The following MYOM3 variants were observed in gnomAD, a reference collection of about 807,000 sequenced individuals.
MYOM3 encodes the protein myomesin-3.
Under a neutral mutation model 191.7 loss-of-function variants are expected in MYOM3, and 155 were observed. That is an observed-to-expected ratio of 0.81 (90% CI 0.71 to 0.92). The LOEUF (loss-of-function observed/expected upper bound fraction) is 0.92, where lower values mean the gene tolerates loss of function less well. Among genes scored for constraint, MYOM3 ranks in the 40% least tolerant of loss-of-function variants. MYOM3 has a pLI of 0.00. For missense variants in MYOM3, 1,889 were observed against 1,890.6 expected, an observed-to-expected ratio of 1.00 and a Z score of 0.02; for synonymous variants, 757 against 762.9, an observed-to-expected ratio of 0.99 and a Z score of 0.13.
intron 15 of MYOM3, 68 bp downstream of exon 15, chr1:24,086,576 C>T (rs1382610309): frequency 2.6e-6 from 4 of 1,515,464 alleles, no homozygotes; most frequent in Non-Finnish European, 1.8e-6. Flanking sequence ...GGGCTTTGTC[C>T]CTGCAGCTTC....
In MYOM3 at chr1:24,071,249, G is replaced by C; in HGVS notation, c.3018C>G (p.Ile1006Met). The C allele has an allele frequency of 6.2e-7, 1 of 1,612,486 alleles. No individual in the cohort carries two copies. Residue 1006 changes from isoleucine (I) to methionine (M), a missense_variant, in exon 25 of 37, where the codon ATC becomes ATG. Physicochemically the swap from Ile to Met is conservative, Grantham distance 10. Transcript: ENST00000374434. ...CAATGTTCCAGCCGGAGATCAGTTTGATCACTGGGAGGCGCAGGACGGGAA... is the reference window on the plus strand; with the variant it reads ...CAATGTTCCAGCCGGAGATCAGTTTCATCACTGGGAGGCGCAGGACGGGAA... ...KLSHEIRNPV[I>M]KLISGWNIDI...
chr1:24,070,893 A>C (rs1023268685), intron 25 of MYOM3, among the ~76,000 whole-genome samples: 3 of 152,094 alleles, frequency 2.0e-5, no homozygotes, highest in African/African-American at 7.2e-5. Context: ...TGTCCCTTGC[A>C]CTGGCCAGCA....
intron 1 of MYOM3, among the ~76,000 whole-genome samples, chr1:24,110,600 T>A (rs1358484040): frequency 1.9e-4 from 29 of 151,916 alleles, no homozygotes; most frequent in Non-Finnish European, 2.9e-5. Context: ...TCCTTTTGGG[T>A]GTCTGCAGTT....
intron 22 of MYOM3, among the ~76,000 whole-genome samples, chr1:24,074,832 C>T (rs1643576553): frequency 6.6e-6 from 1 of 152,194 alleles, no homozygotes; most frequent in African/African-American, 2.4e-5. Flanking sequence ...CGCCTGTAAT[C>T]CCAGCCCTTT....
At chr1:24,079,156 A>C (rs1383586048) in intron 20 of MYOM3, among the ~76,000 whole-genome samples, 1 of 152,100 alleles carries the variant, frequency 6.6e-6, no homozygotes, top group Non-Finnish European at 1.5e-5. Flanking sequence ...TTTCTTAGCC[A>C]TATAGGATGG....
intron 23 of MYOM3, among the ~76,000 whole-genome samples, chr1:24,072,640 T>C (rs1643546586): frequency 2.0e-5 from 3 of 152,170 alleles, no homozygotes; most frequent in Admixed American, 2.0e-4. Flanking sequence ...GTTCAAGCAA[T>C]TCTCCTGCCT....
rs534460843 is a variant in MYOM3 at position 24,071,262 on chromosome 1, C to T, written c.3014-9G>A. The stretch of plus-strand genomic sequence containing the variant: ...GGAGATCAGTTTGATCACTGGGAGG[C>T]GCAGGACGGGAAGGGGGTGGGTTGG... On this transcript the variant is annotated splice_polypyrimidine_tract_variant and intron_variant, in intron 24 of 36. Coordinates refer to ENST00000374434, the MANE Select transcript of MYOM3 (RefSeq NM_152372.4). 6 of 1,608,406 alleles carry T rather than the reference C, an allele frequency of 3.7e-6. No homozygotes were observed. Among genetic ancestry groups the T allele is most frequent in the Non-Finnish European group, 4.2e-6 (5 of 1,177,264 alleles).
chr1:24,086,712 G>C lies in MYOM3; in HGVS notation c.1730C>G (p.Ala577Gly), dbSNP rs987587256. 31 of 1,614,030 alleles carry C rather than the reference G, an allele frequency of 1.9e-5. No individual in the cohort carries two copies. The highest frequency in any genetic ancestry group is 2.5e-5 in the Non-Finnish European group (30 of 1,180,028). Reference protein sequence around the residue: ...KKKSYVFRVRAMNQYGLSDPS... With the variant: ...KKKSYVFRVRGMNQYGLSDPS... ...ATCGCTCAGGCCATACTGGTTCATT[G>C]CTCGCACTCTGAAGACATACGACTT... Residue 577 changes from alanine to glycine, a missense_variant, in exon 15 of 37, where the codon GCA becomes GGA. Physicochemically the swap from Ala to Gly is moderately conservative, Grantham distance 60. Coordinates refer to ENST00000374434, the MANE Select transcript of MYOM3 (RefSeq NM_152372.4).
At chr1:24,105,107 G>A (rs1226285494) in intron 5 of MYOM3, among the ~76,000 whole-genome samples, 1 of 151,718 alleles carries the variant, frequency 6.6e-6, no homozygotes, top group African/African-American at 2.4e-5. Flanking sequence ...CCCCAGGCGA[G>A]GCCTAGCCTC....
chr1:24,061,004 CA>C, intron 35 of MYOM3, 55 bp downstream of exon 35: 1 of 1,608,804 alleles, frequency 6.2e-7, no homozygotes, highest in South Asian at 1.1e-5. Context: ...GTTGAGCTTC[CA>C]GGAAGTTTGC....
chr1:24,111,631 C>T lies in MYOM3; in HGVS notation c.-19+400G>A, dbSNP rs1644038891. Among the ~76,000 whole-genome samples the T allele has an allele frequency of 6.6e-6, 1 of 152,172 alleles. No homozygotes were observed. The highest frequency in any genetic ancestry group is 2.4e-5 in the African/African-American group (1 of 41,430). ...TCCCTGCCTGTGGGGTTGGCCAAGC[C>T]GGGCTCAGCCAGCTCCGCTCTAAGT... On this transcript the variant is annotated intron_variant, in intron 1 of 36. Transcript: ENST00000374434. This position sits in a 1 kb window ranked among gnomAD's most constrained non-coding sequence, Gnocchi z 4.7.
At chr1:24,085,155 T>C (rs1466226559) in intron 15 of MYOM3, among the ~76,000 whole-genome samples, 1 of 151,794 alleles carries the variant, frequency 6.6e-6, no homozygotes, top group East Asian at 1.9e-4. Flanking sequence ...GATGGATGCA[T>C]GGACAGGTGG....
intron 25 of MYOM3, 142 bp from the exon 26 acceptor site, chr1:24,068,509 C>A: frequency 1.1e-6 from 1 of 917,418 alleles, no homozygotes. Context: ...GGGTAACCCT[C>A]TGCTGCTCCC....
rs376714731 is a variant in MYOM3, at chr1:24,082,690, C to T, written c.1995G>A (p.Thr665=). ...TGACACAAAACTCGTACTCCTTCCC[C>T]GTCCTCAGCCCGGGAACTGTAAACC... is the stretch of plus-strand genomic sequence containing the variant. The part of the protein sequence containing the change: ...GTRFTVPGLR[T]GKEYEFCVRS... The change falls in exon 17 of 37, where the codon ACG becomes ACA. Residue 665 remains threonine, a synonymous_variant. Transcript: ENST00000374434. 75 of 1,611,154 alleles carry T rather than the reference C, an allele frequency of 4.7e-5. No individual in the cohort carries two copies. Among genetic ancestry groups the T allele is most frequent in the African/African-American group, 3.3e-4 (25 of 74,862 alleles).
At chr1:24,059,641 G>T (rs1328452593) in intron 35 of MYOM3, among the ~76,000 whole-genome samples, 1 of 152,180 alleles carries the variant, frequency 6.6e-6, no homozygotes, top group African/African-American at 2.4e-5. Context: ...TCCACACAAC[G>T]GGTGTGACCA....
In MYOM3 at chr1:24,063,623, C is replaced by T. The variant is rs981465190; in HGVS notation, c.3623-93G>A. On this transcript the variant is annotated intron_variant, in intron 30 of 36. Transcript: ENST00000374434. The surrounding 1 kb of genome is among the most constrained non-coding windows in gnomAD (Gnocchi z 4.5). Reference sequence around the variant, plus strand: ...CATCCTAGAAAAAGGCTGGTGGAGCCCGTGAGCTGCTCTCAGGGGGACAGG... The same window carrying T: ...CATCCTAGAAAAAGGCTGGTGGAGCTCGTGAGCTGCTCTCAGGGGGACAGG... 72 of 1,443,856 alleles carry T rather than the reference C, an allele frequency of 5.0e-5. No homozygotes were observed. The highest frequency in any genetic ancestry group is 6.8e-5 in the Non-Finnish European group (70 of 1,034,804). 89.4% of individuals were successfully genotyped at this position (1,443,856 alleles called of 1,614,324 possible).
Position 24,108,600 on chromosome 1 carries a change from G to T in MYOM3, c.37C>A (p.Pro13Thr). 1 of 1,566,604 alleles carries T rather than the reference G, an allele frequency of 6.4e-7. No individual in the cohort carries two copies. Among genetic ancestry groups the T allele is most frequent in the South Asian group, 1.2e-5 (1 of 85,128 alleles). Residue 13 changes from proline to threonine, a missense_variant, in exon 2 of 37, where the codon CCC becomes ACC. Coordinates refer to ENST00000374434, the MANE Select transcript of MYOM3 (RefSeq NM_152372.4). ...LPHSLGGAGD[P>T]RPPQAMEVHR... ...ACCTCCATGGCCTGGGGGGGCCGGG[G>T]GTCCCCCGCACCTCCCAAGCTGTGC...
rs1643446068 is a variant in MYOM3, at chr1:24,067,086, G to C, written c.3358C>G (p.Pro1120Ala). 1 of 1,572,140 alleles carries C rather than the reference G, an allele frequency of 6.4e-7. No homozygotes were observed. ...CACTGCAACGGCCGCTCAAAATAGG[G>C]ACCTGTGCGTGCAAAACAAATGTGC... ...KRRDWKRKQG[P>A]YFERPLQWKV... is the part of the protein sequence containing the mutation. The change falls in exon 28 of 37, where the codon CCC (proline) becomes GCC (alanine). Residue 1120 changes from proline to alanine, a missense_variant and splice_region_variant. Pro to Ala is a conservative substitution (Grantham distance 27). Transcript: ENST00000374434.
In MYOM3 at chr1:24,071,193, C is replaced by G; in HGVS notation, c.3074G>C (p.Trp1025Ser). The G allele has an allele frequency of 2.5e-6, 4 of 1,614,062 alleles. No homozygotes were observed. The highest frequency in any genetic ancestry group is 3.4e-6 in the Non-Finnish European group (4 of 1,179,996). ...TGGAGATAACTTTTCTACTTCCAGC[C>G]AAAGCCGCACCTCCCCTCGCTCCAG... The part of the protein sequence containing the change: ...DILERGEVRL[W>S]LEVEKLSPAA... The change falls in exon 25 of 37, where the codon TGG becomes TCG. Residue 1025 changes from tryptophan to serine, a missense_variant. Transcript: ENST00000374434.
Sources: allele counts gnomAD v4.1 joint callset (sites outside exome capture counted in the v4.1 genomes callset), GRCh38; gene constraint gnomAD v4.1.1; non-coding constraint Gnocchi (gnomAD v3.1); transcripts MANE v1.5; gene names NCBI Gene and HGNC (gene_info 2026-07-23, HGNC 2026-07-21).